The following DDC variants were observed in gnomAD, a reference collection of about 807,000 sequenced individuals.
The protein encoded by DDC is dopa decarboxylase.
DDC carries 43 observed loss-of-function variants against 60.0 expected under a neutral mutation model. The observed-to-expected ratio is 0.72, with a 90% confidence interval of 0.56 to 0.92. The LOEUF is 0.92. Among genes scored for constraint, DDC ranks in the 40% least tolerant of loss-of-function variants. The pLI is 0.00. For missense variants in DDC, 573 were observed against 620.2 expected (o/e 0.92, Z 0.81); for synonymous variants, 232 against 234.6 (o/e 0.99, Z 0.10).
At chr7:50,463,493 C>T in intron 13 of DDC, 62 bp from the exon 14 acceptor site, 1 of 1,439,176 alleles carries the variant, frequency 6.9e-7, no homozygotes. Context: ...ATCAACTGGT[C>T]ATGTAGGAAA....
chr7:50,550,793 G>A (rs1312416081), intron 1 of DDC, among the ~76,000 whole-genome samples: 3 of 152,218 alleles, frequency 2.0e-5, no homozygotes, highest in African/African-American at 7.2e-5. Context: ...TGTGAGCAAA[G>A]GGATGACTTG....
intron 12 of DDC, among the ~76,000 whole-genome samples, chr7:50,468,823 G>A (rs1487942034): frequency 6.6e-6 from 1 of 152,016 alleles, no homozygotes; most frequent in African/African-American, 2.4e-5. Context: ...AGCTTAGGAA[G>A]GACACCAGGA....
At chr7:50,538,154 T>C (rs924745094) in intron 3 of DDC, among the ~76,000 whole-genome samples, 175 bp from the exon 4 acceptor site, 7 of 152,042 alleles carry the variant, frequency 4.6e-5, no homozygotes, top group Admixed American at 3.9e-4. Flanking sequence ...GGAGAGCGGT[T>C]GGGAAGGAAC....
At position 50,544,114 on chromosome 7, in the gene DDC, C is replaced by A. The variant is rs1367160898; in HGVS notation, c.-28-1G>T. The A allele has an allele frequency of 5.0e-6, 8 of 1,609,580 alleles. No homozygotes were observed. In the Admixed American group the frequency reaches 8.3e-5, roughly 17 times the overall value. ...GTCTGGGCTCTGTCAGAGGTGAAAACTGCAGAAAGAAAATGATTCAGTGAG... is the reference window on the plus strand; with the variant it reads ...GTCTGGGCTCTGTCAGAGGTGAAAAATGCAGAAAGAAAATGATTCAGTGAG... On this transcript the variant is annotated splice_acceptor_variant, in intron 1 of 14. Coordinates refer to ENST00000444124, the MANE Select transcript of DDC (RefSeq NM_001082971.2). LOFTEE classifies it low-confidence loss of function (5UTR_SPLICE).
At chr7:50,507,877 G>T (rs1046984364) in intron 6 of DDC, among the ~76,000 whole-genome samples, 2 of 152,212 alleles carry the variant, frequency 1.3e-5, no homozygotes, top group African/African-American at 2.4e-5. Flanking sequence ...CACCTTATGA[G>T]TTAGATATGC....
intron 14 of DDC, among the ~76,000 whole-genome samples, chr7:50,462,768 GTTTTTTTT>G (rs11302809): frequency 1.0e-5 from 1 of 98,362 alleles, no homozygotes; most frequent in Non-Finnish European, 2.0e-5. Flanking sequence ...TCTTCTTCTT[GTTTTTTTT>G]TTTTTTTTTT....
chr7:50,513,889 C>T (rs780698208), intron 6 of DDC, among the ~76,000 whole-genome samples: 1 of 151,974 alleles, frequency 6.6e-6, no homozygotes. Flanking sequence ...TCCCTACCCA[C>T]CCTAGTAGCG....
intron 10 of DDC, chr7:50,477,543 C>T (rs2042673281): frequency 8.8e-6 from 4 of 456,920 alleles, no homozygotes; most frequent in Non-Finnish European, 1.8e-5. Flanking sequence ...CAACCCACGC[C>T]CCACCCTGCA....
rs11575392 is a variant in DDC, at chr7:50,499,019, T to C, written c.876+129A>G. 3.8e-3 allele frequency: 2,949 copies of C among 768,132 alleles called. 50 individuals are homozygous for C. The African/African-American group carries it at 0.046, about 12-fold the overall frequency. 47.6% of individuals were successfully genotyped at this position (768,132 alleles called of 1,614,324 possible). On this transcript the variant is annotated intron_variant, in intron 8 of 14. Transcript: ENST00000444124. ...AGCCCCTATTCTGAGGAAGTCGGAA[T>C]TGGTTCAAACATAATTGGCTGAAAC... is the stretch of plus-strand genomic sequence containing the variant.
chr7:50,464,231 G>A (rs2042346477), intron 13 of DDC, among the ~76,000 whole-genome samples: 1 of 152,154 alleles, frequency 6.6e-6, no homozygotes, highest in Non-Finnish European at 1.5e-5. Flanking sequence ...TGTCTTCAGA[G>A]TGGAGAAGCA....
chr7:50,550,698 C>T (rs139815584), intron 1 of DDC, among the ~76,000 whole-genome samples: 12 of 152,258 alleles, frequency 7.9e-5, no homozygotes, highest in East Asian at 1.9e-4. Flanking sequence ...TCCCAGGTCA[C>T]GGTAGGTGAG....
At chr7:50,492,921 G>A (rs754356019) in intron 9 of DDC, 38 of 1,597,134 alleles carry the variant, frequency 2.4e-5, no homozygotes, top group Non-Finnish European at 3.0e-5. Flanking sequence ...GGCACTCCAC[G>A]TCCCGAAAGG....
intron 7 of DDC, among the ~76,000 whole-genome samples, chr7:50,501,244 T>C (rs935486046): frequency 2.6e-5 from 4 of 152,234 alleles, no homozygotes; most frequent in Admixed American, 2.0e-4. Flanking sequence ...CTCTCAGTTA[T>C]GCTGGCACCT....
chr7:50,490,204 C>T (rs925142023), intron 9 of DDC, among the ~76,000 whole-genome samples: 12 of 152,148 alleles, frequency 7.9e-5, no homozygotes, highest in African/African-American at 2.9e-4. Flanking sequence ...AAAAACTGGC[C>T]CCATACCTTG....
At chr7:50,525,516 C>T (rs568998431) in intron 6 of DDC, among the ~76,000 whole-genome samples, 6 of 152,258 alleles carry the variant, frequency 3.9e-5, no homozygotes, top group African/African-American at 1.4e-4. Flanking sequence ...GTAATCCCAG[C>T]ACTTTGGAAG....
chr7:50,542,523 A>T (rs1314364463), intron 2 of DDC: 1 of 152,270 alleles, frequency 6.6e-6, no homozygotes, highest in Non-Finnish European at 1.5e-5. Context: ...GTTTCCTGCG[A>T]TCACACAGCC....
intron 6 of DDC, among the ~76,000 whole-genome samples, chr7:50,526,058 C>T (rs1264704998): frequency 1.3e-5 from 2 of 151,894 alleles, no homozygotes; most frequent in East Asian, 1.9e-4. Context: ...TTTCCAAAAC[C>T]GAGGAGAGAC....
At chr7:50,467,175 A>G in intron 13 of DDC, 39 bp downstream of exon 13, 3 of 1,530,338 alleles carry the variant, frequency 2.0e-6, no homozygotes, top group Non-Finnish European at 2.7e-6. Context: ...CCTCTGTCAC[A>G]TTCACAGAAA....
At chr7:50,507,371 G>T (rs1015423477) in intron 6 of DDC, among the ~76,000 whole-genome samples, 3 of 152,028 alleles carry the variant, frequency 2.0e-5, no homozygotes, top group African/African-American at 7.3e-5. Flanking sequence ...CCGAGTAGCT[G>T]GGATTACAGG....
Sources: gnomAD v4.1 joint callset for allele counts (sites outside exome capture counted in the v4.1 genomes callset) on GRCh38, gnomAD v4.1.1 for gene constraint, MANE v1.5 for transcripts, NCBI Gene and HGNC (gene_info 2026-07-23, HGNC 2026-07-21) for gene names.